The following VAV3 variants were observed in gnomAD, a reference collection of about 807,000 sequenced individuals.
VAV3 encodes the protein guanine nucleotide exchange factor VAV3.
In VAV3, 94 loss-of-function variants were observed where a neutral mutation model predicts 131.2. That is an observed-to-expected ratio of 0.72 (90% CI 0.61 to 0.85). The LOEUF is 0.85. VAV3 is among the 40% of genes least tolerant of loss of function. The pLI is 0.00. For missense variants in VAV3, 939 were observed against 1,002.7 expected (o/e 0.94, Z 0.86); for synonymous variants, 349 against 342.0 (o/e 1.02, Z -0.22).
intron 2 of VAV3, among the ~76,000 whole-genome samples, chr1:107,795,722 G>C (rs1666506889): frequency 6.6e-6 from 1 of 152,210 alleles, no homozygotes; most frequent in Non-Finnish European, 1.5e-5. Flanking sequence ...TAAGTCGTTA[G>C]GGCTTTAATA....
At chr1:107,675,517 T>C (rs10494072) in intron 19 of VAV3, among the ~76,000 whole-genome samples, 25,210 of 152,176 alleles carry the variant, frequency 0.17, 2,376 homozygotes, top group South Asian at 0.27. Flanking sequence ...TATGCATGAA[T>C]ATGTTTAATA....
chr1:107,581,218 C>T (rs1220025141), intron 25 of VAV3, among the ~76,000 whole-genome samples: 3 of 152,164 alleles, frequency 2.0e-5, no homozygotes, highest in Admixed American at 6.5e-5. Context: ...CATAACTTTC[C>T]CCCTTTTACA....
At chr1:107,956,224 A>G (rs1674800250) in intron 1 of VAV3, among the ~76,000 whole-genome samples, 1 of 152,194 alleles carries the variant, frequency 6.6e-6, no homozygotes, top group African/African-American at 2.4e-5. Flanking sequence ...ACAGGAAGTA[A>G]GATTACGAGT....
chr1:107,783,994 G>A (rs940108729), intron 2 of VAV3, among the ~76,000 whole-genome samples: 1 of 152,018 alleles, frequency 6.6e-6, no homozygotes, highest in South Asian at 2.1e-4. Context: ...TGGGAGGTGG[G>A]GCTTGCAGTG....
chr1:107,921,253 G>T (rs1033975285), intron 1 of VAV3, among the ~76,000 whole-genome samples: 1 of 152,070 alleles, frequency 6.6e-6, no homozygotes, highest in South Asian at 2.1e-4. Context: ...CTTCACTCTC[G>T]ACCTGATCCA....
At chr1:107,651,037 G>T (rs1656129788) in intron 19 of VAV3, among the ~76,000 whole-genome samples, 1 of 152,100 alleles carries the variant, frequency 6.6e-6, no homozygotes, top group African/African-American at 2.4e-5. Flanking sequence ...GGCCACAAGG[G>T]TGGAGCCCCA....
chr1:107,795,860 A>T (rs150292630), intron 2 of VAV3, among the ~76,000 whole-genome samples: 7 of 152,322 alleles, frequency 4.6e-5, no homozygotes, highest in Middle Eastern at 3.4e-3. Context: ...AGGCCAGGTC[A>T]AAAGTGCTGA....
rs533856821 is a variant in VAV3, at chr1:107,921,613, C to G, written c.204+43053G>C. Among the ~76,000 whole-genome samples the G allele has an allele frequency of 2.6e-5, 4 of 152,322 alleles. No homozygotes were observed. The South Asian group carries it at 8.3e-4, about 32-fold the overall frequency. ...TGACAGCCAAGTCATCACTCCATAA[C>G]CAGCCATCCCTTAGAGATGCATTTC... On this transcript the variant is annotated intron_variant, in intron 1 of 26. Transcript: ENST00000370056.
chr1:107,645,450 G>T (rs1234078781), intron 19 of VAV3, among the ~76,000 whole-genome samples: 1 of 151,926 alleles, frequency 6.6e-6, no homozygotes, highest in Non-Finnish European at 1.5e-5. Flanking sequence ...ATGAAACAAG[G>T]GCACAGCGAT....
intron 25 of VAV3, among the ~76,000 whole-genome samples, chr1:107,581,789 T>C (rs756682618): frequency 1.3e-4 from 20 of 152,226 alleles, no homozygotes; most frequent in Non-Finnish European, 2.5e-4. Flanking sequence ...TTAATGTTCA[T>C]GAGCAGATGA....
intron 2 of VAV3, among the ~76,000 whole-genome samples, chr1:107,846,254 A>G (rs1668960699): frequency 6.6e-6 from 1 of 152,218 alleles, no homozygotes; most frequent in Non-Finnish European, 1.5e-5. Context: ...ATGCTGAGAG[A>G]TTTTATCACC....
At chr1:107,672,005 C>A (rs1022598858) in intron 19 of VAV3, 3 of 152,154 alleles carry the variant, frequency 2.0e-5, no homozygotes, top group Non-Finnish European at 4.4e-5. Flanking sequence ...CAGTGGCTCA[C>A]ACCTGTAATC....
chr1:107,603,610 TTAAA>T (rs1234706609), intron 22 of VAV3, among the ~76,000 whole-genome samples: 9 of 152,226 alleles, frequency 5.9e-5, no homozygotes, highest in South Asian at 2.1e-4. Context: ...ATAAGTTATT[TTAAA>T]TAGTTTTTTG....
intron 20 of VAV3, among the ~76,000 whole-genome samples, chr1:107,624,949 T>C (rs938934976): frequency 6.6e-6 from 1 of 152,186 alleles, no homozygotes; most frequent in Non-Finnish European, 1.5e-5. Context: ...TGTGATATTT[T>C]TGATCAGGAA....
In VAV3 at chr1:107,722,840, C is replaced by CTCTTT. The variant is rs371987024; in HGVS notation, c.1503-17780_1503-17779insAAAGA. Among the ~76,000 whole-genome samples, 396 of 129,784 alleles carry CTCTTT rather than the reference C, an allele frequency of 3.1e-3. 7 individuals carry two copies. Among genetic ancestry groups the CTCTTT allele is most frequent in the Middle Eastern group, 0.014 (3 of 222 alleles). The allele number at this position is 129,784 out of a possible 152,430, so 85.1% of individuals were successfully genotyped here. On this transcript the variant is annotated intron_variant, in intron 15 of 26. Coordinates refer to ENST00000370056, the MANE Select transcript of VAV3 (RefSeq NM_006113.5). ...GTGTCAGAAAGCCCTATTATCCTCT[C>CTCTTT]TTTTTTTTTTTTTTTGTACGCTTAC...
At chr1:107,615,620 C>T (rs1373264722) in intron 21 of VAV3, among the ~76,000 whole-genome samples, 1 of 152,140 alleles carries the variant, frequency 6.6e-6, no homozygotes, top group African/African-American at 2.4e-5. Context: ...AACTAAAGGG[C>T]TTCTGCACAG....
At chr1:107,574,297 T>C in intron 25 of VAV3, 99 bp from the exon 26 acceptor site, 1 of 1,440,848 alleles carries the variant, frequency 6.9e-7, no homozygotes, top group Non-Finnish European at 9.4e-7. Flanking sequence ...AAATGCACAG[T>C]CGTGATTTCA....
chr1:107,803,911 T>C (rs1245986744), intron 2 of VAV3, among the ~76,000 whole-genome samples: 1 of 152,036 alleles, frequency 6.6e-6, no homozygotes, highest in African/African-American at 2.4e-5. Context: ...CTAATGTTGC[T>C]TTTGTGTGCT....
At chr1:107,811,641 C>A (rs1280349732) in intron 2 of VAV3, among the ~76,000 whole-genome samples, 1 of 152,050 alleles carries the variant, frequency 6.6e-6, no homozygotes, top group Non-Finnish European at 1.5e-5. Context: ...ACTTCGATAA[C>A]TGGAATTCAT....
Sources: gnomAD v4.1 joint callset for allele counts (sites outside exome capture counted in the v4.1 genomes callset) on GRCh38, gnomAD v4.1.1 for gene constraint, MANE v1.5 for transcripts, NCBI Gene and HGNC (gene_info 2026-07-23, HGNC 2026-07-21) for gene names.